PRKDC: variants seen among roughly 807,000 people sequenced by gnomAD.
PRKDC encodes protein kinase, DNA-activated, catalytic subunit, also known as DNA-dependent protein kinase catalytic subunit.
PRKDC carries 82 observed loss-of-function variants against 486.9 expected under a neutral mutation model. The observed-to-expected ratio is 0.17, with a 90% confidence interval of 0.14 to 0.20. PRKDC has a LOEUF of 0.20. PRKDC is among the 10% of genes least tolerant of loss of function. PRKDC has a pLI of 1.00. For missense variants in PRKDC, 4,504 were observed against 5,038.2 expected (o/e 0.89, Z 3.21); for synonymous variants, 1,895 against 1,837.0 (o/e 1.03, Z -0.81).
intron 47 of PRKDC, 33 bp downstream of exon 47, chr8:47,858,816 A>G (rs1421883159): frequency 1.9e-6 from 3 of 1,596,702 alleles, no homozygotes; most frequent in Non-Finnish European, 1.7e-6. Context: ...CAATGAATAT[A>G]GTATTAACAG....
chr8:47,933,114 T>A lies in PRKDC; in HGVS notation c.1682A>T (p.Asn561Ile). 6.4e-7 allele frequency: 1 copy of A among 1,572,522 alleles called. No homozygotes were observed. The highest frequency in any genetic ancestry group is 8.6e-7 in the Non-Finnish European group (1 of 1,160,976). The part of the protein sequence containing the change: ...FSVNSSSESL[N>I]HLLYDEFVKS... ...TACAAATTCATCATAAAGTAAATGATTCAGACTTTCACTGGAGGAATTCAC... is the reference window on the plus strand; with the variant it reads ...TACAAATTCATCATAAAGTAAATGAATCAGACTTTCACTGGAGGAATTCAC... Residue 561 changes from asparagine (N) to isoleucine (I), a missense_variant, in exon 16 of 86, where the codon AAT (asparagine) becomes ATT (isoleucine). Transcript: ENST00000314191.
intron 27 of PRKDC, among the ~76,000 whole-genome samples, chr8:47,901,964 A>G (rs142318402): frequency 1.3e-5 from 2 of 152,224 alleles, no homozygotes; most frequent in African/African-American, 4.8e-5. Flanking sequence ...CCCACTCTCT[A>G]CACAGCTACC....
At chr8:47,857,384 A>T (rs921190383) in intron 48 of PRKDC, 85 bp from the exon 49 acceptor site, 1 of 1,412,724 alleles carries the variant, frequency 7.1e-7, no homozygotes. Flanking sequence ...TCCATCAGCT[A>T]AAATTTTATA....
chr8:47,945,847 G>A (rs995355727), intron 7 of PRKDC, among the ~76,000 whole-genome samples: 2 of 151,954 alleles, frequency 1.3e-5, no homozygotes, highest in African/African-American at 2.4e-5. Context: ...TCAGCCTCCC[G>A]AGTAGCTGGG....
At chr8:47,793,008 A>C (rs554529036) in intron 74 of PRKDC, among the ~76,000 whole-genome samples, 1 of 152,246 alleles carries the variant, frequency 6.6e-6, no homozygotes, top group Admixed American at 6.5e-5. Flanking sequence ...CAGCCTCCTA[A>C]GTAGTTGGAA....
At chr8:47,935,229 C>T (rs555510857) in intron 13 of PRKDC, among the ~76,000 whole-genome samples, 171 bp from the exon 14 acceptor site, 6 of 152,236 alleles carry the variant, frequency 3.9e-5, no homozygotes, top group East Asian at 1.9e-4. Context: ...TGGCCAGGCG[C>T]GGTGGCTCAT....
Position 47,826,639 on chromosome 8 carries a change from C to T in PRKDC, c.8783+17G>A. On this transcript the variant is annotated intron_variant, in intron 63 of 85. Transcript: ENST00000314191. ...CAAATCCAGTGTGCTCCCAAGAGCA[C>T]CTGACCTCACACTTACTTAGCAAGC... 1.3e-6 allele frequency: 2 copies of T among 1,597,726 alleles called. No individual in the cohort carries two copies. The highest frequency in any genetic ancestry group is 1.7e-6 in the Non-Finnish European group (2 of 1,168,208).
rs759976926 is a variant in PRKDC at position 47,893,212 on chromosome 8, G to A, written c.3774C>T (p.Asp1258=). The A allele has an allele frequency of 4.3e-6, 7 of 1,612,988 alleles. No individual in the cohort carries two copies. The highest frequency in any genetic ancestry group is 1.6e-4 in the Middle Eastern group (1 of 6,084). The change falls in exon 31 of 86, where the codon GAC becomes GAT. Residue 1258 remains aspartate (D), a synonymous_variant. Coordinates refer to ENST00000314191, the MANE Select transcript of PRKDC (RefSeq NM_006904.7). ...AGCACTCCAACGCGGCCAGGAGCAG[G>A]TCCAGCCAGCATAGCGTGGCCTGCA... is the stretch of plus-strand genomic sequence containing the variant. ...FSLQATLCWL[D]LLLAALECYN...
At chr8:47,858,747 T>C in intron 47 of PRKDC, 102 bp downstream of exon 47, 1 of 1,475,460 alleles carries the variant, frequency 6.8e-7, no homozygotes, top group South Asian at 1.4e-5. Flanking sequence ...AAATCACATT[T>C]ATTTGATAAG....
intron 80 of PRKDC, 200 bp from the exon 81 acceptor site, chr8:47,779,293 T>G (rs2086660547): frequency 2.1e-6 from 1 of 480,478 alleles, no homozygotes; most frequent in Admixed American, 3.8e-5. Context: ...TCATTCTTAA[T>G]TACTCCTAAA....
At chr8:47,897,450 T>C (rs2089601321) in intron 29 of PRKDC, among the ~76,000 whole-genome samples, 156 bp from the exon 30 acceptor site, 1 of 152,262 alleles carries the variant, frequency 6.6e-6, no homozygotes, top group South Asian at 2.1e-4. Flanking sequence ...TATAATTAGA[T>C]GCAATCAAAA....
intron 40 of PRKDC, among the ~76,000 whole-genome samples, chr8:47,869,259 A>C (rs879871456): frequency 5.3e-5 from 8 of 151,482 alleles, no homozygotes; most frequent in Admixed American, 4.6e-4. Context: ...AATAAAAGTG[A>C]TTCCTTTCTT....
At chr8:47,893,039 C>CACCT (rs2089496253) in intron 31 of PRKDC, 100 bp downstream of exon 31, 1 of 1,389,682 alleles carries the variant, frequency 7.2e-7, no homozygotes, top group South Asian at 1.8e-5. Flanking sequence ...TGGTGCACAG[C>CACCT]ACCTACCATC....
intron 36 of PRKDC, among the ~76,000 whole-genome samples, chr8:47,885,181 C>T (rs937216940): frequency 6.6e-6 from 1 of 152,314 alleles, no homozygotes; most frequent in East Asian, 1.9e-4. Flanking sequence ...GACAGAGTCT[C>T]GCTTCATTAC....
chr8:47,783,689 A>G, intron 78 of PRKDC, 53 bp downstream of exon 78: 1 of 1,556,292 alleles, frequency 6.4e-7, no homozygotes, highest in Non-Finnish European at 8.9e-7. Flanking sequence ...GATCATTCTC[A>G]TCTGAAGAAC....
chr8:47,826,616 A>C (rs746896707), intron 63 of PRKDC, 40 bp downstream of exon 63: 4 of 1,573,926 alleles, frequency 2.5e-6, no homozygotes, highest in East Asian at 4.5e-5. Context: ...GCTTTGGTCA[A>C]ATCCAGTGTG....
intron 35 of PRKDC, 52 bp downstream of exon 35, chr8:47,887,495 A>G: frequency 7.0e-7 from 1 of 1,438,060 alleles, no homozygotes; most frequent in Non-Finnish European, 9.2e-7. Context: ...TGCAAGTGAC[A>G]TATGTATTTC....
rs1359992558 is a variant in PRKDC at position 47,906,362 on chromosome 8, T to C, written c.2935-1386A>G. On this transcript the variant is annotated intron_variant, in intron 25 of 85. Transcript: ENST00000314191. ...ACCGTGTCTAAAAAAAAAATTAAAA[T>C]GGCCAGGCACGATGTAATCCCAGCA... Among the ~76,000 whole-genome samples the C allele has an allele frequency of 3.3e-5, 5 of 151,730 alleles. No individual in the cohort carries two copies. The South Asian group carries it at 8.4e-4, about 25-fold the overall frequency.
chr8:47,882,201 T>C (rs2089235475), intron 36 of PRKDC, 104 bp from the exon 37 acceptor site: 1 of 1,071,610 alleles, frequency 9.3e-7, no homozygotes, highest in Non-Finnish European at 1.3e-6. Flanking sequence ...ATAAATAAGC[T>C]ATTTCTATAA....
Sources: gnomAD v4.1 joint callset for allele counts (sites outside exome capture counted in the v4.1 genomes callset) on GRCh38, gnomAD v4.1.1 for gene constraint, MANE v1.5 for transcripts, NCBI Gene and HGNC (gene_info 2026-07-23, HGNC 2026-07-21) for gene names.